Variants in DAB1 observed in about 807,000 individuals in gnomAD.
The protein encoded by DAB1 is disabled homolog 1.
A neutral mutation model predicts 64.6 loss-of-function variants in DAB1; 15 were observed. The ratio of observed to expected loss-of-function variants is 0.23; its 90% CI spans 0.16 to 0.36. DAB1 has a LOEUF of 0.36. DAB1 is among the 10% of genes least tolerant of loss of function. The pLI, the probability that DAB1 is intolerant of heterozygous loss-of-function variation, is 1.00. For synonymous variants in DAB1, 235 were observed against 251.9 expected (o/e 0.93, Z 0.64); for missense variants, 596 against 706.7 (o/e 0.84, Z 1.78).
Position 57,055,782 on chromosome 1 carries a change from AT to A in DAB1, c.723+7101del, listed in dbSNP as rs113609254. ...CCTACAAAAATTTATTCATGCATAC[AT>A]TTTTTTTTCCTGGGGAGAGGGTCCA... On this transcript the variant is annotated intron_variant, in intron 9 of 14. Coordinates refer to ENST00000371236, the MANE Select transcript of DAB1 (RefSeq NM_001365792.1). Among the ~76,000 whole-genome samples, 7 of 151,158 alleles carry A rather than the reference AT, an allele frequency of 4.6e-5. No homozygotes were observed. The East Asian group carries it at 9.8e-4, about 21-fold the overall frequency.
chr1:58,382,302 C>A (rs1436489505), intron 3 of DAB1, among the ~76,000 whole-genome samples: 1 of 152,112 alleles, frequency 6.6e-6, no homozygotes, highest in Non-Finnish European at 1.5e-5. Flanking sequence ...GGGGATTCTG[C>A]CCATTCCTGA....
intron 7 of DAB1, among the ~76,000 whole-genome samples, chr1:57,647,363 T>C (rs2101650422): frequency 6.6e-6 from 1 of 152,332 alleles, no homozygotes; most frequent in Admixed American, 6.5e-5. Flanking sequence ...TAGGATGTTT[T>C]CCAGTTGGAG....
At chr1:57,724,437 T>A (rs537082641) in intron 6 of DAB1, among the ~76,000 whole-genome samples, 1 of 152,168 alleles carries the variant, frequency 6.6e-6, no homozygotes, top group East Asian at 1.9e-4. Context: ...CTGGGAAAAT[T>A]GACAGATGTA....
intron 5 of DAB1, among the ~76,000 whole-genome samples, chr1:57,969,013 C>A (rs939088007): frequency 2.6e-5 from 4 of 152,214 alleles, no homozygotes; most frequent in Admixed American, 2.6e-4. Flanking sequence ...AGTTCTTAAA[C>A]CTTTCAGTAT....
intron 2 of DAB1, among the ~76,000 whole-genome samples, chr1:57,237,239 G>C (rs1414342558): frequency 1.3e-5 from 2 of 152,190 alleles, no homozygotes; most frequent in African/African-American, 2.4e-5. Context: ...GACCTAACAT[G>C]AGGTACATTT....
chr1:58,194,954 G>A (rs924870815), intron 4 of DAB1, among the ~76,000 whole-genome samples: 16 of 152,210 alleles, frequency 1.1e-4, no homozygotes, highest in Non-Finnish European at 2.9e-5. Context: ...AGGAAATGAT[G>A]TACTTTCTAT....
At chr1:57,634,607 G>A (rs532121906) in intron 7 of DAB1, among the ~76,000 whole-genome samples, 4 of 152,248 alleles carry the variant, frequency 2.6e-5, no homozygotes, top group Admixed American at 1.3e-4. Flanking sequence ...GATTTGGTTC[G>A]AAGCTGAAAT....
chr1:57,231,288 G>A lies in DAB1; in HGVS notation c.67+59676C>T, dbSNP rs1160217752. The stretch of plus-strand genomic sequence containing the variant: ...CTTCTCACTCTCCAAGACAAGGCTG[G>A]GAATTTCTTCTTCTGGGTATCCATA... On this transcript the variant is annotated intron_variant, in intron 2 of 14. Coordinates refer to ENST00000371236, the MANE Select transcript of DAB1 (RefSeq NM_001365792.1). Among the ~76,000 whole-genome samples the A allele has an allele frequency of 2.0e-5, 3 of 152,096 alleles. No homozygotes were observed. In the East Asian group the frequency reaches 5.8e-4, roughly 29 times the overall value.
At chr1:57,976,082 C>T (rs996313613) in intron 5 of DAB1, among the ~76,000 whole-genome samples, 1 of 152,200 alleles carries the variant, frequency 6.6e-6, no homozygotes, top group Non-Finnish European at 1.5e-5. Context: ...ACCAAGCCCC[C>T]CAAGATGGAG....
intron 1 of DAB1, among the ~76,000 whole-genome samples, chr1:57,354,383 T>C (rs1378632202): frequency 1.3e-5 from 2 of 152,072 alleles, no homozygotes; most frequent in Non-Finnish European, 2.9e-5. Context: ...AGACTTTATG[T>C]GGGTTGACTT....
At chr1:58,049,465 A>G (rs1647481672) in intron 5 of DAB1, 1 of 260,714 alleles carries the variant, frequency 3.8e-6, no homozygotes, top group Non-Finnish European at 7.4e-6. Context: ...GGCCTTCTGC[A>G]TCATTGCAGA....
intron 2 of DAB1, among the ~76,000 whole-genome samples, chr1:57,268,764 T>C (rs984492965): frequency 6.6e-6 from 1 of 152,228 alleles, no homozygotes; most frequent in African/African-American, 2.4e-5. Flanking sequence ...ACAGGTTAAG[T>C]AGCTTGCGGA....
chr1:58,419,081 G>A (rs1164160448), intron 3 of DAB1, among the ~76,000 whole-genome samples: 1 of 152,190 alleles, frequency 6.6e-6, no homozygotes, highest in Non-Finnish European at 1.5e-5. Context: ...CAGCCTTGCA[G>A]AAAGCTTCCT....
rs578144564 is a variant in DAB1, at chr1:57,109,732, A to G, written c.306+26811T>C. 8.0e-4 allele frequency among the ~76,000 whole-genome samples: 122 copies of G among 152,214 alleles called. 1 individual carries two copies. The highest frequency in any genetic ancestry group is 2.9e-3 in the African/African-American group (120 of 41,536). On this transcript the variant is annotated intron_variant, in intron 4 of 14. Coordinates refer to ENST00000371236, the MANE Select transcript of DAB1 (RefSeq NM_001365792.1). ...GCAACCCTATGAGGGAGGCATTATT[A>G]TTTTTCTCTTATTCCTGATGAGAAT...
intron 3 of DAB1, among the ~76,000 whole-genome samples, chr1:58,476,986 G>A (rs936132073): frequency 5.9e-5 from 9 of 152,112 alleles, no homozygotes; most frequent in Non-Finnish European, 8.8e-5. Flanking sequence ...TTTGAGCTTC[G>A]GTCTCCAGGT....
intron 3 of DAB1, among the ~76,000 whole-genome samples, chr1:58,425,147 A>C (rs1644810095): frequency 5.9e-5 from 9 of 152,200 alleles, no homozygotes; most frequent in Admixed American, 5.9e-4. Flanking sequence ...TCATGAAGAG[A>C]TAGACCCTTG....
At chr1:57,586,556 T>C (rs1645383409) in intron 7 of DAB1, among the ~76,000 whole-genome samples, 1 of 151,950 alleles carries the variant, frequency 6.6e-6, no homozygotes, top group Non-Finnish European at 1.5e-5. Flanking sequence ...TCATTCCATG[T>C]GGGTGGTTGA....
chr1:57,353,423 T>C (rs1678781611), intron 1 of DAB1, among the ~76,000 whole-genome samples: 1 of 152,130 alleles, frequency 6.6e-6, no homozygotes. Flanking sequence ...ACGAGATCCT[T>C]GAGATGAATG....
intron 3 of DAB1, among the ~76,000 whole-genome samples, chr1:58,504,318 A>G (rs1645952740): frequency 6.6e-6 from 1 of 152,086 alleles, no homozygotes; most frequent in South Asian, 2.1e-4. Context: ...TGAACACATC[A>G]AACATACGCT....
Sources: gnomAD v4.1 joint callset for allele counts (sites outside exome capture counted in the v4.1 genomes callset) on GRCh38, gnomAD v4.1.1 for gene constraint, MANE v1.5 for transcripts, NCBI Gene and HGNC (gene_info 2026-07-23, HGNC 2026-07-21) for gene names.